Variants in PDZRN3 observed in about 807,000 individuals in gnomAD.
The protein encoded by PDZRN3 is E3 ubiquitin-protein ligase PDZRN3.
Under a neutral mutation model 85.7 loss-of-function variants are expected in PDZRN3, and 38 were observed. That is an observed-to-expected ratio of 0.44 (90% confidence interval 0.34 to 0.58). The LOEUF (loss-of-function observed/expected upper bound fraction) is 0.58. Among genes scored for constraint, PDZRN3 ranks in the 20% least tolerant of loss-of-function variants. PDZRN3 has a pLI of 0.01. For synonymous variants in PDZRN3, 759 were observed against 638.0 expected (o/e 1.19, Z -2.86); for missense variants, 1,629 against 1,506.4 (o/e 1.08, Z -1.35).
intron 5 of PDZRN3, among the ~76,000 whole-genome samples, chr3:73,395,891 C>T (rs932498167): frequency 1.3e-5 from 2 of 152,148 alleles, no homozygotes; most frequent in Non-Finnish European, 2.9e-5. Flanking sequence ...GAGTCCAGCT[C>T]TTAGGGAGCT....
At chr3:73,386,520 C>A (rs1016768201) in intron 8 of PDZRN3, among the ~76,000 whole-genome samples, 1 of 152,184 alleles carries the variant, frequency 6.6e-6, no homozygotes, top group African/African-American at 2.4e-5. Flanking sequence ...AGGCCTTTAT[C>A]TGCCTTGCCC....
intron 5 of PDZRN3, among the ~76,000 whole-genome samples, chr3:73,391,585 A>G (rs370573340): frequency 1.3e-5 from 2 of 152,246 alleles, no homozygotes; most frequent in African/African-American, 4.8e-5. Flanking sequence ...TTGATCCAAG[A>G]AAGGAGGGTA....
At chr3:73,470,029 C>CA (rs1357938866) in intron 3 of PDZRN3, among the ~76,000 whole-genome samples, 1 of 151,872 alleles carries the variant, frequency 6.6e-6, no homozygotes, top group Non-Finnish European at 1.5e-5. Flanking sequence ...CAGTGACAAC[C>CA]AAAAACGTCT....
In PDZRN3 at chr3:73,383,986, C is replaced by A; in HGVS notation, c.2580G>T (p.Leu860=). ...TPSQKLGSAY[L]PSYHHSPYKH... The stretch of plus-strand genomic sequence containing the variant: ...TGTATGGGGAGTGGTGATAGGAGGG[C>A]AGGTAGGCGCTGCCCAGCTTCTGGC... The change falls in exon 10 of 10, where the codon CTG becomes CTT. Residue 860 remains leucine, a synonymous_variant. Transcript: ENST00000263666. 2 of 1,590,726 alleles carry A rather than the reference C, an allele frequency of 1.3e-6. No individual in the cohort carries two copies. Among genetic ancestry groups the A allele is most frequent in the Non-Finnish European group, 1.7e-6 (2 of 1,170,402 alleles).
chr3:73,384,905 G>T lies in PDZRN3; in HGVS notation c.1661C>A (p.Thr554Asn). The change falls in exon 10 of 10, where the codon ACC (threonine) becomes AAC (asparagine). Residue 554 changes from threonine to asparagine, a missense_variant. Coordinates refer to ENST00000263666, the MANE Select transcript of PDZRN3 (RefSeq NM_015009.3). ...QQKKHDEDGG[T>N]TDTATILSNQ... is the part of the protein sequence containing the mutation. ...GGACAAGATGGTGGCTGTATCTGTG[G>T]TCCCACCGTCTTCGTCGTGCTTCTT... 1 of 1,607,002 alleles carries T rather than the reference G, an allele frequency of 6.2e-7. No individual in the cohort carries two copies. Among genetic ancestry groups the T allele is most frequent in the South Asian group, 1.1e-5 (1 of 90,408 alleles).
intron 3 of PDZRN3, among the ~76,000 whole-genome samples, chr3:73,594,875 T>C (rs1274478803): frequency 6.6e-6 from 1 of 152,200 alleles, no homozygotes; most frequent in Non-Finnish European, 1.5e-5. Context: ...AGTGCAGCTA[T>C]GCTAGTGAAA....
At chr3:73,498,947 C>T (rs1703922629) in intron 3 of PDZRN3, among the ~76,000 whole-genome samples, 1 of 152,110 alleles carries the variant, frequency 6.6e-6, no homozygotes, top group Non-Finnish European at 1.5e-5. Flanking sequence ...GGTCGCTGGT[C>T]AGGCTTGCTG....
At chr3:73,478,052 T>G (rs1239314894) in intron 3 of PDZRN3, among the ~76,000 whole-genome samples, 7 of 152,134 alleles carry the variant, frequency 4.6e-5, no homozygotes. Flanking sequence ...AAGATGAGAT[T>G]TGGGTGGGGA....
chr3:73,553,371 C>T lies in PDZRN3; in HGVS notation c.918+48983G>A, dbSNP rs200694238. 6.3e-4 allele frequency among the ~76,000 whole-genome samples: 96 copies of T among 152,076 alleles called. No individual in the cohort carries two copies. The East Asian group carries it at 0.015, about 24-fold the overall frequency. On this transcript the variant is annotated intron_variant, in intron 3 of 9. Transcript: ENST00000263666. ...GGTGGATCACCTGAGGTCAGGAGTT[C>T]GAGACCAGCCTGACCAACATGGTGA... is the stretch of plus-strand genomic sequence containing the variant.
intron 3 of PDZRN3, among the ~76,000 whole-genome samples, chr3:73,436,300 G>T (rs1702529809): frequency 6.6e-6 from 1 of 152,158 alleles, no homozygotes; most frequent in Admixed American, 6.5e-5. Flanking sequence ...ATTTCTACCA[G>T]CCCAGGCCCC....
chr3:73,608,333 T>G (rs1702633001), intron 2 of PDZRN3, among the ~76,000 whole-genome samples: 1 of 152,080 alleles, frequency 6.6e-6, no homozygotes, highest in African/African-American at 2.4e-5. Flanking sequence ...CAAACAGAAA[T>G]GTACCCCCTA....
chr3:73,448,328 G>C (rs1220397819), intron 3 of PDZRN3, among the ~76,000 whole-genome samples: 7 of 152,230 alleles, frequency 4.6e-5, no homozygotes, highest in African/African-American at 7.2e-5. Context: ...TGAAGTGGCT[G>C]GCTTGCAGCA....
At chr3:73,429,526 A>G (rs1481587412) in intron 3 of PDZRN3, among the ~76,000 whole-genome samples, 1 of 152,196 alleles carries the variant, frequency 6.6e-6, no homozygotes, top group Non-Finnish European at 1.5e-5. Flanking sequence ...GATTGTGCAA[A>G]GTCAAGTTTC....
At chr3:73,531,942 T>G (rs1704666661) in intron 3 of PDZRN3, among the ~76,000 whole-genome samples, 1 of 152,206 alleles carries the variant, frequency 6.6e-6, no homozygotes, top group African/African-American at 2.4e-5. Flanking sequence ...TTGTATAAAA[T>G]AATGCCAAAA....
intron 3 of PDZRN3, among the ~76,000 whole-genome samples, chr3:73,551,556 G>C (rs1218053588): frequency 6.6e-6 from 1 of 151,994 alleles, no homozygotes; most frequent in Non-Finnish European, 1.5e-5. Context: ...GGTGGCATTG[G>C]CATGTGCCTG....
intron 3 of PDZRN3, among the ~76,000 whole-genome samples, chr3:73,564,045 A>G (rs192300061): frequency 3.9e-5 from 6 of 152,296 alleles, no homozygotes; most frequent in African/African-American, 1.4e-4. Flanking sequence ...TTGCTGGTTT[A>G]GAGGCTGTGC....
chr3:73,391,194 T>C (rs1240694521), intron 5 of PDZRN3, 78 bp from the exon 6 acceptor site: 6 of 886,642 alleles, frequency 6.8e-6, no homozygotes, highest in South Asian at 5.5e-5. Flanking sequence ...TTTAAAAATA[T>C]TATCTTCAAA....
At chr3:73,433,755 G>T in intron 3 of PDZRN3, 1 of 1,535,288 alleles carries the variant, frequency 6.5e-7, no homozygotes, top group South Asian at 1.2e-5. Context: ...CAGCACCCGG[G>T]AAAAGCAGCT....
At chr3:73,457,999 G>A (rs1270256092) in intron 3 of PDZRN3, among the ~76,000 whole-genome samples, 1 of 152,208 alleles carries the variant, frequency 6.6e-6, no homozygotes, top group Non-Finnish European at 1.5e-5. Context: ...GACATGCAAT[G>A]GCAGAGGCAG....
Sources: allele counts gnomAD v4.1 joint callset (sites outside exome capture counted in the v4.1 genomes callset), GRCh38; gene constraint gnomAD v4.1.1; transcripts MANE v1.5; gene names NCBI Gene and HGNC (gene_info 2026-07-23, HGNC 2026-07-21).